The following IGHMBP2 variants were observed in gnomAD, a reference collection of about 807,000 sequenced individuals.
The protein encoded by IGHMBP2 is DNA-binding protein SMUBP-2.
Under a neutral mutation model 96.0 loss-of-function variants are expected in IGHMBP2, and 81 were observed. The observed-to-expected ratio is 0.84, with a 90% CI of 0.71 to 1.01. IGHMBP2 has a LOEUF of 1.01. IGHMBP2 is among the 50% of genes least tolerant of loss of function. The pLI is 0.00. For missense variants in IGHMBP2, 1,227 were observed against 1,306.3 expected (o/e 0.94, Z 0.94); for synonymous variants, 557 against 548.9 (o/e 1.01, Z -0.21).
intron 5 of IGHMBP2, among the ~76,000 whole-genome samples, chr11:68,914,301 A>AAG (rs1555243892): frequency 6.6e-6 from 1 of 151,710 alleles, no homozygotes; most frequent in Non-Finnish European, 1.5e-5. Context: ...TCAAAAAAAA[A>AAG]AAAGAAAGAA....
Position 68,936,928 on chromosome 11 carries a change from G to A in IGHMBP2, c.2448G>A (p.Glu816=), listed in dbSNP as rs1005880496. 4.4e-6 allele frequency: 7 copies of A among 1,604,050 alleles called. No individual in the cohort carries two copies. The highest frequency in any genetic ancestry group is 2.7e-5 in the African/African-American group (2 of 74,922). The part of the protein sequence containing the change: ...QPVPPTPAQT[E]QPPREQRGPD... ...TGCCCCCTACCCCTGCGCAGACAGA[G>A]CAGCCTCCCAGGGAGCAGCGTGGCC... Residue 816 remains glutamate (E), a synonymous_variant, in exon 13 of 15, where the codon GAG becomes GAA. Transcript: ENST00000255078.
chr11:68,908,929 C>T (rs1858311586), intron 4 of IGHMBP2, among the ~76,000 whole-genome samples: 1 of 151,548 alleles, frequency 6.6e-6, no homozygotes, highest in African/African-American at 2.4e-5. Context: ...CAAACTCCGC[C>T]TCCCGGGTTC....
intron 5 of IGHMBP2, among the ~76,000 whole-genome samples, chr11:68,912,390 A>G (rs935969753): frequency 6.6e-6 from 1 of 152,174 alleles, no homozygotes; most frequent in African/African-American, 2.4e-5. Context: ...TCAGCCTCCC[A>G]AAGTGCTACG....
chr11:68,922,817 T>A (rs537916803), intron 7 of IGHMBP2, among the ~76,000 whole-genome samples: 1 of 152,348 alleles, frequency 6.6e-6, no homozygotes, highest in African/African-American at 2.4e-5. Context: ...AGAATTTATC[T>A]TGCACAGCTG....
At chr11:68,910,959 T>G (rs941863659) in intron 4 of IGHMBP2, among the ~76,000 whole-genome samples, 4 of 152,116 alleles carry the variant, frequency 2.6e-5, no homozygotes, top group South Asian at 4.1e-4. Flanking sequence ...TCCTAGAATT[T>G]GTTAATCATT....
intron 11 of IGHMBP2, 62 bp downstream of exon 11, chr11:68,934,620 A>G (rs1223943769): frequency 7.9e-6 from 10 of 1,264,342 alleles, no homozygotes; most frequent in African/African-American, 1.5e-5. Flanking sequence ...CTAGAGGGTG[A>G]AAGAAAAAGG....
chr11:68,911,595 G>A lies in IGHMBP2; in HGVS notation c.703G>A (p.Gly235Ser). 6.2e-7 allele frequency: 1 copy of A among 1,614,190 alleles called. No individual in the cohort carries two copies. The highest frequency in any genetic ancestry group is 8.5e-7 in the Non-Finnish European group (1 of 1,180,052). ...VEIILQAVKQGLKVLCCAPSN... is the reference protein window; with the variant it reads ...VEIILQAVKQSLKVLCCAPSN... ...GATCATTCTTCAAGCTGTGAAACAA[G>A]GCTTAAAGGTGGGCAGTGCATGCCA... Residue 235 changes from glycine to serine, a missense_variant, in exon 5 of 15, where the codon GGC (glycine) becomes AGC (serine). Around this residue, in one of 3 missense-constraint regions of IGHMBP2, gnomAD observed 507 missense variants for 496.9 expected, o/e 1.02. Transcript: ENST00000255078.
intron 7 of IGHMBP2, among the ~76,000 whole-genome samples, chr11:68,918,324 A>G (rs1168267301): frequency 6.7e-6 from 1 of 149,808 alleles, no homozygotes; most frequent in Non-Finnish European, 1.5e-5. Context: ...TAGATTTTAT[A>G]TATACATACA....
Position 68,936,728 on chromosome 11 carries a change from C to T in IGHMBP2, c.2248C>T (p.Leu750Phe). ...KKMQLEFPPS[L>F]NSHDRLRVHQ... ...GATGCAGTTGGAGTTTCCTCCTTCC[C>T]TCAATTCCCACGACAGGCTGCGGGT... is the stretch of plus-strand genomic sequence containing the variant. The change falls in exon 13 of 15, where the codon CTC becomes TTC. Residue 750 changes from leucine to phenylalanine, a missense_variant. Leu to Phe is a conservative substitution (Grantham distance 22). Coordinates refer to ENST00000255078, the MANE Select transcript of IGHMBP2 (RefSeq NM_002180.3). 1 of 1,614,102 alleles carries T rather than the reference C, an allele frequency of 6.2e-7. No homozygotes were observed. Among genetic ancestry groups the T allele is most frequent in the Non-Finnish European group, 8.5e-7 (1 of 1,180,048 alleles).
chr11:68,936,515 C>A lies in IGHMBP2; in HGVS notation c.2035C>A (p.Arg679=). 1 of 1,613,560 alleles carries A rather than the reference C, an allele frequency of 6.2e-7. No individual in the cohort carries two copies. Among genetic ancestry groups the A allele is most frequent in the Non-Finnish European group, 8.5e-7 (1 of 1,179,876 alleles). The change falls in exon 13 of 15, where the codon CGG becomes AGG. Residue 679 remains arginine, a synonymous_variant. Coordinates refer to ENST00000255078, the MANE Select transcript of IGHMBP2 (RefSeq NM_002180.3). ...TACGTCCACCAGGACCGGAAGCCAG[C>A]GGCAGGAGGGAGGCCAGGAGGCTGC... is the stretch of plus-strand genomic sequence containing the variant. ...PATSTRTGSQ[R]QEGGQEAAAP...
rs372382180 is a variant in IGHMBP2 at position 68,936,577 on chromosome 11, G to T, written c.2097G>T (p.Gly699=). 67 of 1,611,862 alleles carry T rather than the reference G, an allele frequency of 4.2e-5. No individual in the cohort carries two copies. The highest frequency in any genetic ancestry group is 5.6e-5 in the Non-Finnish European group (66 of 1,178,868). ...PARQGRKKPA[G]KSLASEAPSQ... is the part of the protein sequence containing the mutation. ...GACAGGGCCGGAAGAAGCCGGCTGG[G>T]AAGTCTCTGGCCTCTGAAGCTCCAT... The change falls in exon 13 of 15, where the codon GGG becomes GGT. Residue 699 remains glycine (G), a synonymous_variant. Coordinates refer to ENST00000255078, the MANE Select transcript of IGHMBP2 (RefSeq NM_002180.3).
At chr11:68,926,984 G>A (rs986406499) in intron 7 of IGHMBP2, among the ~76,000 whole-genome samples, 8 of 152,064 alleles carry the variant, frequency 5.3e-5, no homozygotes, top group Non-Finnish European at 8.8e-5. Context: ...GGCAGGTGTC[G>A]AACTCCTGAC....
chr11:68,929,226 C>A lies in IGHMBP2; in HGVS notation c.1104C>A (p.Tyr368Ter). 2 of 1,613,798 alleles carry A rather than the reference C, an allele frequency of 1.2e-6. No homozygotes were observed. The highest frequency in any genetic ancestry group is 1.7e-6 in the Non-Finnish European group (2 of 1,180,036). The stretch of plus-strand genomic sequence containing the variant: ...CCCTGAAGTTGCTGCCCGAGAGCTA[C>A]TTCGACGTGGTGGTCATTGACGAGT... ...DGPLKLLPES[Y>*]FDVVVIDECA... Residue 368 changes from tyrosine to a stop codon, truncating the protein, a stop_gained, in exon 8 of 15, where the codon TAC becomes TAA. Coordinates refer to ENST00000255078, the MANE Select transcript of IGHMBP2 (RefSeq NM_002180.3). LOFTEE classifies it high-confidence loss of function.
chr11:68,929,210 T>C lies in IGHMBP2; in HGVS notation c.1088T>C (p.Leu363Ser), dbSNP rs1398038802. 3.7e-6 allele frequency: 6 copies of C among 1,613,412 alleles called. No individual in the cohort carries two copies. The highest frequency in any genetic ancestry group is 5.1e-6 in the Non-Finnish European group (6 of 1,180,024). ...TGASADGPLK[L>S]LPESYFDVVV... ...GCGTCTGCCGATGGCCCCCTGAAGT[T>C]GCTGCCCGAGAGCTACTTCGACGTG... is the stretch of plus-strand genomic sequence containing the variant. The change falls in exon 8 of 15, where the codon TTG (leucine) becomes TCG (serine). Residue 363 changes from leucine (L) to serine (S), a missense_variant. This residue lies in a region of IGHMBP2 where 507 missense variants were observed against 496.9 expected (regional missense o/e 1.02). Coordinates refer to ENST00000255078, the MANE Select transcript of IGHMBP2 (RefSeq NM_002180.3).
rs624147 is a variant in IGHMBP2 at position 68,936,919 on chromosome 11, G to A, written c.2439G>A (p.Ala813=). The change falls in exon 13 of 15, where the codon GCG becomes GCA. Residue 813 remains alanine (A), a synonymous_variant. Coordinates refer to ENST00000255078, the MANE Select transcript of IGHMBP2 (RefSeq NM_002180.3). The part of the protein sequence containing the change: ...APLQPVPPTP[A]QTEQPPREQR... ...TCCAGCCAGTGCCCCCTACCCCTGC[G>A]CAGACAGAGCAGCCTCCCAGGGAGC... 3,101 of 1,603,332 alleles carry A rather than the reference G, an allele frequency of 1.9e-3. 63 individuals are homozygous for A. The African/African-American group carries it at 0.036, about 18-fold the overall frequency.
At position 68,936,625 on chromosome 11, in the gene IGHMBP2, C is replaced by T. The variant is rs1032533532; in HGVS notation, c.2145C>T (p.Gly715=). 1 of 1,613,746 alleles carries T rather than the reference C, an allele frequency of 6.2e-7. No individual in the cohort carries two copies. The highest frequency in any genetic ancestry group is 8.5e-7 in the Non-Finnish European group (1 of 1,179,902). ...EAPSQPSLNG[G]SPEGVESQDG... Reference sequence around the variant, plus strand: ...CATCTCAGCCCAGCCTCAACGGAGGCAGCCCAGAGGGAGTGGAGAGCCAAG... The same window carrying T: ...CATCTCAGCCCAGCCTCAACGGAGGTAGCCCAGAGGGAGTGGAGAGCCAAG... The change falls in exon 13 of 15, where the codon GGC becomes GGT. Residue 715 remains glycine (G), a synonymous_variant. Coordinates refer to ENST00000255078, the MANE Select transcript of IGHMBP2 (RefSeq NM_002180.3).
At chr11:68,932,986 A>T (rs1594450817) in intron 8 of IGHMBP2, 1 of 461,624 alleles carries the variant, frequency 2.2e-6, no homozygotes, top group Non-Finnish European at 4.0e-6. Flanking sequence ...TGACCCTCGC[A>T]TGCCCCCTTA....
In IGHMBP2 at chr11:68,939,706, G is replaced by A. The variant is rs1859679568; in HGVS notation, c.2957G>A (p.Ser986Asn). Residue 986 changes from serine to asparagine, a missense_variant, in exon 15 of 15, where the codon AGC (serine) becomes AAC (asparagine). Around this residue, in one of 3 missense-constraint regions of IGHMBP2, gnomAD observed 703 missense variants for 770.3 expected, o/e 0.91. Coordinates refer to ENST00000255078, the MANE Select transcript of IGHMBP2 (RefSeq NM_002180.3). The part of the protein sequence containing the change: ...KLSELSNQRT[S>N]RRKERGT ...AGTGAGCTCAGCAACCAGAGGACCA[G>A]CCGGAGGAAGGAGAGGGGGACGTGA... 6.2e-7 allele frequency: 1 copy of A among 1,611,476 alleles called. No homozygotes were observed. The highest frequency in any genetic ancestry group is 1.3e-5 in the African/African-American group (1 of 74,910).
At chr11:68,929,715 G>A in intron 8 of IGHMBP2, 1 of 985,144 alleles carries the variant, frequency 1.0e-6, no homozygotes, top group Non-Finnish European at 1.2e-6. Context: ...TGGCCTCTGG[G>A]TGGATGTGGG....
Sources: gnomAD v4.1 joint callset for allele counts (sites outside exome capture counted in the v4.1 genomes callset) on GRCh38, gnomAD v4.1.1 for gene constraint, gnomAD v4.1.1 regional missense constraint, MANE v1.5 for transcripts, NCBI Gene and HGNC (gene_info 2026-07-23, HGNC 2026-07-21) for gene names.